RBM4: variants seen among roughly 807,000 people sequenced by gnomAD.
RBM4 encodes the protein RNA binding motif protein 4.
In RBM4, 7 loss-of-function variants were observed where a neutral mutation model predicts 29.5. The ratio of observed to expected loss-of-function variants is 0.24; its 90% CI spans 0.14 to 0.45. RBM4 has a LOEUF of 0.45. RBM4 is among the 20% of genes least tolerant of loss of function. RBM4 has a pLI of 1.00. For synonymous variants in RBM4, 220 were observed against 205.4 expected (o/e 1.07, Z -0.61); for missense variants, 387 against 502.3 (o/e 0.77, Z 2.19).
intron 2 of RBM4, chr11:66,664,963 C>G (rs1291552715): frequency 6.6e-6 from 1 of 152,174 alleles, no homozygotes; most frequent in Non-Finnish European, 1.5e-5. Context: ...AGCTTAAGAA[C>G]TGGGAGAGAA....
chr11:66,643,716 G>A lies in RBM4; in HGVS notation c.679G>A (p.Ala227Thr). The change falls in exon 3 of 4, where the codon GCT becomes ACT. Residue 227 changes from alanine to threonine, a missense_variant. This residue lies in a region of RBM4 where 281 missense variants were observed against 288.7 expected (regional missense o/e 0.97). Coordinates refer to ENST00000310092, the MANE Select transcript of RBM4 (RefSeq NM_002896.4). This position sits in a 1 kb window ranked among gnomAD's most constrained non-coding sequence, Gnocchi z 6.1. ...ALDAYYKRCR[A>T]ARSYEAVAAA... is the part of the protein sequence containing the mutation. ...CGATGCCTACTACAAGCGCTGCCGTGCTGCCCGGTCCTATGAGGCAGTGGC... is the reference window on the plus strand; with the variant it reads ...CGATGCCTACTACAAGCGCTGCCGTACTGCCCGGTCCTATGAGGCAGTGGC... 5.0e-6 allele frequency: 8 copies of A among 1,614,130 alleles called. No homozygotes were observed. Among genetic ancestry groups the A allele is most frequent in the Non-Finnish European group, 6.8e-6 (8 of 1,180,002 alleles).
At chr11:66,660,543 T>C (rs1017046603) in intron 2 of RBM4, among the ~76,000 whole-genome samples, 1 of 152,002 alleles carries the variant, frequency 6.6e-6, no homozygotes, top group Non-Finnish European at 1.5e-5. Flanking sequence ...GGTTTCGCCA[T>C]GTTGTCCTGG....
chr11:66,640,586 C>T (rs1019520132), intron 2 of RBM4: 1 of 234,604 alleles, frequency 4.3e-6, no homozygotes, highest in African/African-American at 2.3e-5. Flanking sequence ...CTACCTTACA[C>T]AAACTCTTTA....
Position 66,646,216 on chromosome 11 carries a change from GTTC to G in RBM4, c.*203_*205del, listed in dbSNP as rs1938686398. The G allele has an allele frequency of 4.1e-6, 6 of 1,451,800 alleles. No individual in the cohort carries two copies. The South Asian group carries it at 7.1e-5, about 17-fold the overall frequency. The allele number at this position is 1,451,800 out of a possible 1,614,324, so 89.9% of individuals were successfully genotyped here. On this transcript the variant is annotated 3_prime_UTR_variant, in exon 4 of 4. Coordinates refer to ENST00000310092, the MANE Select transcript of RBM4 (RefSeq NM_002896.4). The stretch of plus-strand genomic sequence containing the variant: ...CCTTTCCTCTCCTGCCCATTTTCCT[GTTC>G]TTCTGTCCTTCAATACTTCTGTAGC...
chr11:66,658,138 G>C (rs543185698), intron 2 of RBM4, among the ~76,000 whole-genome samples: 23 of 150,760 alleles, frequency 1.5e-4, no homozygotes, highest in East Asian at 1.4e-3. Context: ...AAGCGATTCT[G>C]CTGCCTCAGC....
intron 2 of RBM4, among the ~76,000 whole-genome samples, chr11:66,660,680 G>A (rs1219148894): frequency 2.1e-5 from 3 of 143,900 alleles, no homozygotes; most frequent in Non-Finnish European, 4.5e-5. Context: ...TTGAGATGGA[G>A]TCTTGCTCTG....
Position 66,643,963 on chromosome 11 carries a change from G to GC in RBM4, c.931dup (p.Leu311ProfsTer20). ...ACTTCATATTACGGGCGGGATCGGA[G>GC]CCCCCTGCGTCGCGCTACAGCCCCA... is the stretch of plus-strand genomic sequence containing the variant. On this transcript the variant is annotated frameshift_variant, in exon 3 of 4. Transcript: ENST00000310092. LOFTEE classifies it high-confidence loss of function. The surrounding 1 kb of genome is among the most constrained non-coding windows in gnomAD (Gnocchi z 6.1). The GC allele has an allele frequency of 6.2e-7, 1 of 1,613,024 alleles. No homozygotes were observed. The highest frequency in any genetic ancestry group is 8.5e-7 in the Non-Finnish European group (1 of 1,180,010).
At chr11:66,666,788 A>T (rs1939250103) in exon 3 of RBM4, 1 of 152,202 alleles carries the variant, frequency 6.6e-6, no homozygotes, top group African/African-American at 2.4e-5. Context: ...GACTAGCTGC[A>T]TGGTGGTCTC....
chr11:66,645,039 T>C (rs1938632120), intron 3 of RBM4, among the ~76,000 whole-genome samples: 1 of 152,166 alleles, frequency 6.6e-6, no homozygotes, highest in Non-Finnish European at 1.5e-5. Context: ...ACTCCTTTGG[T>C]AATGTTGAAA....
chr11:66,659,659 A>G (rs967631252), intron 2 of RBM4, among the ~76,000 whole-genome samples: 4 of 152,092 alleles, frequency 2.6e-5, no homozygotes, highest in Non-Finnish European at 4.4e-5. Flanking sequence ...TTTCTCCTTC[A>G]GTCTTCCTTA....
chr11:66,664,977 AAAGAC>A (rs939516412), intron 2 of RBM4: 1 of 152,378 alleles, frequency 6.6e-6, no homozygotes, highest in African/African-American at 2.4e-5. Flanking sequence ...GAGAGAATAA[AAAGAC>A]AAACATAAAA....
chr11:66,651,780 CGTG>C (rs1565085211), intron 2 of RBM4, among the ~76,000 whole-genome samples: 4 of 152,112 alleles, frequency 2.6e-5, no homozygotes. Flanking sequence ...CCGTGGCAGA[CGTG>C]GTGTCTGGAT....
At chr11:66,648,038 C>T (rs1938741704), downstream of RBM4, among the ~76,000 whole-genome samples, 1 of 151,970 alleles carries the variant, frequency 6.6e-6, no homozygotes, top group Non-Finnish European at 1.5e-5. Context: ...AACCCTGTCT[C>T]TACTAAAAAT....
At chr11:66,638,941 C>G (rs1308265129) in intron 1 of RBM4, 189 bp downstream of exon 1, 1 of 152,190 alleles carries the variant, frequency 6.6e-6, no homozygotes, top group African/African-American at 2.4e-5. Context: ...GAATACCTTG[C>G]TTTTTTTCGC....
At chr11:66,662,947 G>A (rs1411576832) in intron 2 of RBM4, among the ~76,000 whole-genome samples, 4 of 152,182 alleles carry the variant, frequency 2.6e-5, no homozygotes, top group African/African-American at 4.8e-5. Flanking sequence ...ATGTGTGCAT[G>A]GATGGACAGG....
Position 66,643,831 on chromosome 11 carries a change from C to A in RBM4, c.794C>A (p.Thr265Asn). Residue 265 changes from threonine (T) to asparagine (N), a missense_variant, in exon 3 of 4, where the codon ACC (threonine) becomes AAC (asparagine). Coordinates refer to ENST00000310092, the MANE Select transcript of RBM4 (RefSeq NM_002896.4). The surrounding 1 kb of genome is among the most constrained non-coding windows in gnomAD (Gnocchi z 6.1). ...AATACAGCCATGGCCAGTCACCTCA[C>A]CTCCACCTCTCTCGATCCCTACGAT... ...VQNTAMASHL[T>N]STSLDPYDRH... The A allele has an allele frequency of 6.2e-7, 1 of 1,614,002 alleles. No homozygotes were observed. The highest frequency in any genetic ancestry group is 8.5e-7 in the Non-Finnish European group (1 of 1,180,002).
intron 2 of RBM4, among the ~76,000 whole-genome samples, chr11:66,662,784 AT>A (rs898834995): frequency 1.3e-5 from 2 of 152,050 alleles, no homozygotes; most frequent in African/African-American, 4.8e-5. Context: ...AAACCTGCAA[AT>A]TTTTTTTCTT....
chr11:66,645,844 C>A (rs1376265350), intron 3 of RBM4, among the ~76,000 whole-genome samples, 183 bp from the exon 4 acceptor site: 2 of 152,146 alleles, frequency 1.3e-5, no homozygotes, highest in East Asian at 3.8e-4. Flanking sequence ...TTAGCCTCCC[C>A]AGTTACTCTC....
chr11:66,647,168 T>A (rs1292788268), downstream of RBM4, among the ~76,000 whole-genome samples: 1 of 152,248 alleles, frequency 6.6e-6, no homozygotes, highest in Non-Finnish European at 1.5e-5. Context: ...GTTTGGTCTG[T>A]ACCTTCTTGC....
Sources: allele counts gnomAD v4.1 joint callset (sites outside exome capture counted in the v4.1 genomes callset), GRCh38; gene constraint gnomAD v4.1.1; regional missense constraint gnomAD v4.1.1; non-coding constraint Gnocchi (gnomAD v3.1); transcripts MANE v1.5; gene names NCBI Gene and HGNC (gene_info 2026-07-23, HGNC 2026-07-21).